Variants in ZNF99 observed in about 807,000 individuals in gnomAD.
The protein encoded by ZNF99 is zinc finger protein ENSP00000375192.
ZNF99 carries 8 observed loss-of-function variants against 12.8 expected under a neutral mutation model. That is an observed-to-expected ratio of 0.62 (90% CI 0.37 to 1.13). The LOEUF (loss-of-function observed/expected upper bound fraction) is 1.13, where lower values mean the gene tolerates loss of function less well. Ranked by LOEUF, ZNF99 falls within the 50% of genes most tolerant of loss-of-function variation. The pLI, the probability that ZNF99 is intolerant of heterozygous loss-of-function variation, is 0.02. For synonymous variants in ZNF99, 318 were observed against 319.0 expected (o/e 1.00, Z 0.03); for missense variants, 1,007 against 1,006.2 (o/e 1.00, Z -0.01).
intron 3 of ZNF99, among the ~76,000 whole-genome samples, chr19:22,760,944 A>T (rs1599442779): frequency 6.6e-6 from 1 of 151,550 alleles, no homozygotes; most frequent in Admixed American, 6.6e-5. Context: ...TGTTTGACAT[A>T]CTCCCAGAAT....
At chr19:22,782,157 T>A (rs1374453760) in intron 1 of ZNF99, among the ~76,000 whole-genome samples, 1 of 152,146 alleles carries the variant, frequency 6.6e-6, no homozygotes, top group East Asian at 1.9e-4. Flanking sequence ...ATTGACATTA[T>A]GAACTGGAAG....
At chr19:22,761,846 C>T (rs183805849) in intron 3 of ZNF99, among the ~76,000 whole-genome samples, 19 of 152,156 alleles carry the variant, frequency 1.2e-4, no homozygotes, top group Non-Finnish European at 4.4e-5. Context: ...ACTTCAAAAC[C>T]ATGCAAATAC....
chr19:22,760,381 G>C (rs1342798617), intron 3 of ZNF99, among the ~76,000 whole-genome samples: 2 of 152,164 alleles, frequency 1.3e-5, no homozygotes, highest in African/African-American at 2.4e-5. Flanking sequence ...CTGGCTTCTA[G>C]GGGCCTTTCC....
chr19:22,779,752 T>G (rs1973367416), intron 1 of ZNF99, among the ~76,000 whole-genome samples: 1 of 152,144 alleles, frequency 6.6e-6, no homozygotes, highest in African/African-American at 2.4e-5. Context: ...TCACCCTCCA[T>G]TCGCCATCCC....
Position 22,769,231 on chromosome 19 carries a change from T to C in ZNF99, c.97A>G (p.Met33Val), listed in dbSNP as rs1376556670. The change falls in exon 2 of 4, where the codon ATG (methionine) becomes GTG (valine). Residue 33 changes from methionine to valine, a missense_variant. Physicochemically the swap from Met to Val is conservative, Grantham distance 21 (BLOSUM62 1). Transcript: ENST00000596209. ...MAQQNLYRNV[M>V]LENYRNLVFL... Reference sequence around the variant, plus strand: ...ACCAGGTTTCTGTAGTTCTCTAACATAACATTCCTATATAAATTCTGCTGA... The same window carrying C: ...ACCAGGTTTCTGTAGTTCTCTAACACAACATTCCTATATAAATTCTGCTGA... 6.2e-7 allele frequency: 1 copy of C among 1,608,954 alleles called. No individual in the cohort carries two copies. Among genetic ancestry groups the C allele is most frequent in the East Asian group, 2.2e-5 (1 of 44,670 alleles).
At chr19:22,772,283 A>T (rs1161045263) in intron 1 of ZNF99, among the ~76,000 whole-genome samples, 1 of 152,206 alleles carries the variant, frequency 6.6e-6, no homozygotes, top group Non-Finnish European at 1.5e-5. Context: ...GATTGGATAT[A>T]CACCATTAGT....
chr19:22,761,588 A>G (rs1286847659), intron 3 of ZNF99, among the ~76,000 whole-genome samples: 1 of 152,236 alleles, frequency 6.6e-6, no homozygotes, highest in East Asian at 1.9e-4. Context: ...TCATCAAGAC[A>G]GAAAGTCAAC....
At chr19:22,775,155 C>T (rs562288824) in intron 1 of ZNF99, among the ~76,000 whole-genome samples, 1 of 152,292 alleles carries the variant, frequency 6.6e-6, no homozygotes, top group Admixed American at 6.5e-5. Context: ...TACCTGACTT[C>T]AAACTATGCA....
intron 3 of ZNF99, among the ~76,000 whole-genome samples, chr19:22,767,135 A>C (rs1160976050): frequency 6.6e-6 from 1 of 151,436 alleles, no homozygotes; most frequent in Non-Finnish European, 1.5e-5. Context: ...AAACCAAAAA[A>C]CTAGCTGGGT....
chr19:22,765,682 T>TA (rs34984456), intron 3 of ZNF99, among the ~76,000 whole-genome samples: 23,737 of 147,568 alleles, frequency 0.16, 1,820 homozygotes, highest in East Asian at 0.18. Context: ...CTAGCACAGT[T>TA]AAAAAAAAAA....
At chr19:22,770,683 T>C (rs1973258659) in intron 1 of ZNF99, 1 of 152,214 alleles carries the variant, frequency 6.6e-6, no homozygotes, top group Admixed American at 6.5e-5. Flanking sequence ...AGTCAATCAT[T>C]AACATCAACT....
chr19:22,772,828 A>G (rs1189668698), intron 1 of ZNF99, among the ~76,000 whole-genome samples: 3 of 152,238 alleles, frequency 2.0e-5, no homozygotes, highest in African/African-American at 7.2e-5. Context: ...TTGAAGTTGC[A>G]GTTTTAGGTC....
intron 1 of ZNF99, among the ~76,000 whole-genome samples, chr19:22,777,115 G>A (rs986460969): frequency 6.6e-6 from 1 of 152,096 alleles, no homozygotes; most frequent in African/African-American, 2.4e-5. Flanking sequence ...TCATGTCACT[G>A]TACTCCAGCC....
At chr19:22,781,612 T>A (rs1341024119) in intron 1 of ZNF99, among the ~76,000 whole-genome samples, 1 of 152,040 alleles carries the variant, frequency 6.6e-6, no homozygotes, top group Non-Finnish European at 1.5e-5. Context: ...AAATGGAAGC[T>A]GGGTTGGGTG....
chr19:22,759,683 C>T lies in ZNF99; in HGVS notation c.227-1G>A, dbSNP rs1245630777. On this transcript the variant is annotated splice_acceptor_variant, in intron 3 of 3. Transcript: ENST00000596209. LOFTEE classifies it high-confidence loss of function. ...TCTTGTGTAAAATGAGAACTAATAA[C>T]TGGAAGAAATGAAAATAATAAATTA... 3 of 1,512,774 alleles carry T rather than the reference C, an allele frequency of 2.0e-6. No individual in the cohort carries two copies. The highest frequency in any genetic ancestry group is 2.6e-6 in the Non-Finnish European group (3 of 1,135,672). 93.7% of individuals were successfully genotyped at this position (1,512,774 alleles called of 1,614,324 possible).
intron 1 of ZNF99, among the ~76,000 whole-genome samples, chr19:22,778,241 T>C (rs115355616): frequency 6.6e-6 from 1 of 151,892 alleles, no homozygotes; most frequent in Non-Finnish European, 1.5e-5. Context: ...AGACCTGAAA[T>C]CACAGGGTAA....
intron 3 of ZNF99, among the ~76,000 whole-genome samples, chr19:22,761,122 C>G (rs1311285038): frequency 6.6e-6 from 1 of 151,606 alleles, no homozygotes; most frequent in African/African-American, 2.4e-5. Flanking sequence ...GGAAAACAAC[C>G]ATAAAACAAT....
At chr19:22,769,935 T>A in intron 1 of ZNF99, 2 of 1,360,762 alleles carry the variant, frequency 1.5e-6, no homozygotes, top group Middle Eastern at 5.8e-4. Flanking sequence ...GTGCTATTTT[T>A]AAATCATACA....
chr19:22,781,817 C>T (rs1973390870), intron 1 of ZNF99, among the ~76,000 whole-genome samples: 1 of 152,054 alleles, frequency 6.6e-6, no homozygotes, highest in Non-Finnish European at 1.5e-5. Context: ...AATATTTTAG[C>T]TAATTCCCAG....
Sources: allele counts gnomAD v4.1 joint callset (sites outside exome capture counted in the v4.1 genomes callset), GRCh38; gene constraint gnomAD v4.1.1; transcripts MANE v1.5; gene names NCBI Gene and HGNC (gene_info 2026-07-23, HGNC 2026-07-21).